MTA3: variants seen among roughly 807,000 people sequenced by gnomAD.
MTA3 encodes metastasis-associated protein MTA3.
Under a neutral mutation model 83.5 loss-of-function variants are expected in MTA3, and 34 were observed. That is an observed-to-expected ratio of 0.41 (90% CI 0.31 to 0.54). The LOEUF (loss-of-function observed/expected upper bound fraction) is 0.54. Among genes scored for constraint, MTA3 ranks in the 20% least tolerant of loss-of-function variants. MTA3 has a pLI of 0.33. For missense variants in MTA3, 761 were observed against 726.4 expected (o/e 1.05, Z -0.55); for synonymous variants, 303 against 252.7 (o/e 1.20, Z -1.89).
intron 9 of MTA3, among the ~76,000 whole-genome samples, chr2:42,690,066 C>A (rs564497833): frequency 1.3e-5 from 2 of 152,130 alleles, no homozygotes; most frequent in East Asian, 3.9e-4. Flanking sequence ...GCGAGAGGAT[C>A]ACTTGAGCCT....
intron 6 of MTA3, among the ~76,000 whole-genome samples, chr2:42,650,819 C>G (rs1244230809): frequency 6.6e-6 from 1 of 152,162 alleles, no homozygotes. Flanking sequence ...AATCCTTTCC[C>G]TTATTTTAGA....
In MTA3 at chr2:42,589,165, C is replaced by G. The variant is rs141906284; in HGVS notation, c.190+9965C>G. Among the ~76,000 whole-genome samples, 79 of 152,194 alleles carry G rather than the reference C, an allele frequency of 5.2e-4. 1 individual carries two copies. In the East Asian group the frequency reaches 0.014, roughly 27 times the overall value. Reference sequence around the variant, plus strand: ...TGACACATAAAACCATCATCGGCACCTTATTTCAACCAGTATACTCAAAGG... The same window carrying G: ...TGACACATAAAACCATCATCGGCACGTTATTTCAACCAGTATACTCAAAGG... On this transcript the variant is annotated intron_variant, in intron 3 of 16. Coordinates refer to ENST00000405094, the MANE Select transcript of MTA3 (RefSeq NM_001330442.2).
At chr2:42,645,104 G>A (rs982061025) in intron 6 of MTA3, among the ~76,000 whole-genome samples, 7 of 135,732 alleles carry the variant, frequency 5.2e-5, no homozygotes, top group African/African-American at 2.0e-4. Context: ...GAATGCAAAG[G>A]AAAAGTTCTT....
intron 14 of MTA3, among the ~76,000 whole-genome samples, chr2:42,716,574 A>G (rs776023879): frequency 5.5e-4 from 83 of 152,192 alleles, no homozygotes; most frequent in Non-Finnish European, 1.9e-4. Context: ...AAGTGAGAAC[A>G]TGCAGTATTT....
At chr2:42,564,733 G>C (rs1001429074), upstream of MTA3, among the ~76,000 whole-genome samples, 1 of 152,100 alleles carries the variant, frequency 6.6e-6, no homozygotes, top group Admixed American at 6.6e-5. Flanking sequence ...CCTGTCCTGG[G>C]TTCAGTATGA....
intron 4 of MTA3, among the ~76,000 whole-genome samples, chr2:42,614,913 G>T (rs1023967567): frequency 2.0e-5 from 3 of 151,278 alleles, no homozygotes; most frequent in African/African-American, 4.9e-5. Context: ...GGAGTTCAAG[G>T]CTATAGTGAG....
chr2:42,732,451 T>A (rs1668297214), intron 16 of MTA3, among the ~76,000 whole-genome samples: 1 of 152,198 alleles, frequency 6.6e-6, no homozygotes, highest in African/African-American at 2.4e-5. Flanking sequence ...GTCCCTAGGC[T>A]GCACACAGCA....
intron 3 of MTA3, among the ~76,000 whole-genome samples, chr2:42,581,160 A>G (rs1475396561): frequency 2.6e-5 from 4 of 152,200 alleles, no homozygotes; most frequent in Non-Finnish European, 5.9e-5. Flanking sequence ...ATGTAAAACA[A>G]AAAAGTGTTC....
chr2:42,710,171 T>A (rs1460271194), intron 14 of MTA3, among the ~76,000 whole-genome samples: 1 of 152,218 alleles, frequency 6.6e-6, no homozygotes, highest in Non-Finnish European at 1.5e-5. Flanking sequence ...AAAAAAACAT[T>A]TTTTGTTCCT....
At chr2:42,586,343 T>G (rs367581767) in intron 3 of MTA3, among the ~76,000 whole-genome samples, 23 of 148,266 alleles carry the variant, frequency 1.6e-4, no homozygotes, top group Non-Finnish European at 7.4e-5. Flanking sequence ...CAAGCACTTT[T>G]GGAGGCCAAG....
At chr2:42,641,358 A>T (rs1254054420) in intron 5 of MTA3, among the ~76,000 whole-genome samples, 1 of 152,124 alleles carries the variant, frequency 6.6e-6, no homozygotes, top group African/African-American at 2.4e-5. Flanking sequence ...CAACAGGAAA[A>T]GTCATATTCA....
At chr2:42,595,743 A>C (rs879441771) in intron 3 of MTA3, among the ~76,000 whole-genome samples, 5 of 152,162 alleles carry the variant, frequency 3.3e-5, no homozygotes, top group South Asian at 2.1e-4. Context: ...GGACTGGAAA[A>C]AATTTTAAAA....
Position 42,755,747 on chromosome 2 carries a change from G to T in MTA3, c.*2348G>T, listed in dbSNP as rs934284991. 1.0e-6 allele frequency: 1 copy of T among 985,596 alleles called. No individual in the cohort carries two copies. Among genetic ancestry groups the T allele is most frequent in the East Asian group, 1.1e-4 (1 of 8,828 alleles). The allele number at this position is 985,596 out of a possible 1,614,324, so 61.1% of individuals were successfully genotyped here. A position where few individuals can be genotyped will look rare whatever the true frequency, so the allele number is the denominator to read the frequency against. On this transcript the variant is annotated 3_prime_UTR_variant, in exon 17 of 17. Coordinates refer to ENST00000405094, the MANE Select transcript of MTA3 (RefSeq NM_001330442.2). Reference sequence around the variant, plus strand: ...CCCTTTCTGGGGCCATGGTGTCCCTGCTGTGTGTCAGTGGCATGTCACTGT... The same window carrying T: ...CCCTTTCTGGGGCCATGGTGTCCCTTCTGTGTGTCAGTGGCATGTCACTGT...
intron 8 of MTA3, chr2:42,680,238 C>T (rs1266177447): frequency 6.6e-6 from 1 of 152,380 alleles, no homozygotes; most frequent in African/African-American, 2.4e-5. Flanking sequence ...CACCTTCGTT[C>T]AGCACCCCAG....
At chr2:42,632,177 C>T (rs1006433921) in intron 4 of MTA3, among the ~76,000 whole-genome samples, 5 of 147,852 alleles carry the variant, frequency 3.4e-5, no homozygotes, top group African/African-American at 5.0e-5. Flanking sequence ...GCAAGCTCTG[C>T]CTCCCAGGTT....
At chr2:42,562,350 A>C (rs747789643) in intron 2 of MTA3, among the ~76,000 whole-genome samples, 1 of 152,080 alleles carries the variant, frequency 6.6e-6, no homozygotes, top group Non-Finnish European at 1.5e-5. Context: ...GTGAGGTAGG[A>C]ATGAGTCAGA....
At chr2:42,677,677 A>G (rs1436836062) in intron 8 of MTA3, among the ~76,000 whole-genome samples, 1 of 151,754 alleles carries the variant, frequency 6.6e-6, no homozygotes, top group African/African-American at 2.4e-5. Context: ...TCCCTGCACA[A>G]CCTCTTGCTT....
At chr2:42,745,533 A>T (rs1669342326) in intron 16 of MTA3, among the ~76,000 whole-genome samples, 1 of 152,118 alleles carries the variant, frequency 6.6e-6, no homozygotes, top group South Asian at 2.1e-4. Flanking sequence ...AACCTTTTTA[A>T]AAAATAGTTT....
At chr2:42,588,173 A>G (rs530118234) in intron 3 of MTA3, among the ~76,000 whole-genome samples, 1 of 152,120 alleles carries the variant, frequency 6.6e-6, no homozygotes, top group African/African-American at 2.4e-5. Flanking sequence ...GAAATAATAT[A>G]CCTCATTGCT....
Sources: gnomAD v4.1 joint callset for allele counts (sites outside exome capture counted in the v4.1 genomes callset) on GRCh38, gnomAD v4.1.1 for gene constraint, MANE v1.5 for transcripts, NCBI Gene and HGNC (gene_info 2026-07-23, HGNC 2026-07-21) for gene names.